The following AGPS variants were observed in gnomAD, a reference collection of about 807,000 sequenced individuals.
AGPS encodes the protein alkylglycerone phosphate synthase, also known as alkyldihydroxyacetonephosphate synthase, peroxisomal.
In AGPS, 26 loss-of-function variants were observed where a neutral mutation model predicts 90.7. That is an observed-to-expected ratio of 0.29 (90% CI 0.21 to 0.40). AGPS has a LOEUF of 0.40. Ranked by LOEUF, AGPS falls within the 10% of genes least tolerant of loss-of-function variation. The pLI, the probability that AGPS is intolerant of heterozygous loss-of-function variation, is 1.00. For synonymous variants in AGPS, 294 were observed against 285.3 expected (o/e 1.03, Z -0.31); for missense variants, 540 against 816.1 (o/e 0.66, Z 4.12).
chr2:177,497,018 G>A (rs1186740548), intron 12 of AGPS, among the ~76,000 whole-genome samples: 1 of 152,008 alleles, frequency 6.6e-6, no homozygotes, highest in Non-Finnish European at 1.5e-5. Flanking sequence ...CTTAAATGTA[G>A]CAATCATAGG....
At chr2:177,395,263 G>A (rs1370952754) in intron 1 of AGPS, among the ~76,000 whole-genome samples, 1 of 152,210 alleles carries the variant, frequency 6.6e-6, no homozygotes, top group Non-Finnish European at 1.5e-5. Context: ...AGTAACGTTT[G>A]TAAGGCACAC....
chr2:177,491,609 T>C (rs904395612), intron 11 of AGPS, among the ~76,000 whole-genome samples: 2 of 151,872 alleles, frequency 1.3e-5, no homozygotes, highest in Non-Finnish European at 2.9e-5. Context: ...CCATCTAATA[T>C]TCATTATATA....
chr2:177,532,751 C>T (rs1159012590), intron 19 of AGPS, among the ~76,000 whole-genome samples: 1 of 152,136 alleles, frequency 6.6e-6, no homozygotes, highest in Non-Finnish European at 1.5e-5. Flanking sequence ...TGGCTGCCTA[C>T]ACATACTGTG....
At chr2:177,422,400 C>G (rs1286442682) in intron 2 of AGPS, among the ~76,000 whole-genome samples, 1 of 152,042 alleles carries the variant, frequency 6.6e-6, no homozygotes, top group Non-Finnish European at 1.5e-5. Flanking sequence ...GAGAATTTAT[C>G]TGTTGGTTTT....
At chr2:177,473,244 ATT>A (rs1180032850) in intron 10 of AGPS, among the ~76,000 whole-genome samples, 2 of 152,096 alleles carry the variant, frequency 1.3e-5, no homozygotes, top group Admixed American at 1.3e-4. Context: ...TGTTGATTAT[ATT>A]TTGGGGAGTT....
At chr2:177,500,477 C>A (rs1688528432) in intron 14 of AGPS, among the ~76,000 whole-genome samples, 1 of 151,590 alleles carries the variant, frequency 6.6e-6, no homozygotes, top group South Asian at 2.1e-4. Flanking sequence ...ATTTTCATTT[C>A]TTTTTCATTG....
At chr2:177,498,061 A>G (rs766105938) in intron 13 of AGPS, among the ~76,000 whole-genome samples, 4 of 151,820 alleles carry the variant, frequency 2.6e-5, no homozygotes, top group Non-Finnish European at 5.9e-5. Context: ...ATAAAGTGAA[A>G]TAAGAGTGTG....
At chr2:177,487,423 T>C (rs1688128042) in intron 11 of AGPS, among the ~76,000 whole-genome samples, 1 of 152,168 alleles carries the variant, frequency 6.6e-6, no homozygotes, top group African/African-American at 2.4e-5. Flanking sequence ...TCCTTCCTTC[T>C]ATCACTTTTA....
At chr2:177,475,581 G>A (rs1687758401) in intron 10 of AGPS, among the ~76,000 whole-genome samples, 1 of 152,042 alleles carries the variant, frequency 6.6e-6, no homozygotes, top group Non-Finnish European at 1.5e-5. Flanking sequence ...CTTATGACTG[G>A]CTTCTTTCAC....
intron 7 of AGPS, 102 bp from the exon 8 acceptor site, chr2:177,445,444 A>T: frequency 2.0e-6 from 2 of 1,005,154 alleles, no homozygotes; most frequent in Non-Finnish European, 3.1e-6. Context: ...CTTCTTGCTT[A>T]ATCACTGTCT....
chr2:177,466,117 C>G (rs1488560599), intron 9 of AGPS, among the ~76,000 whole-genome samples: 1 of 152,102 alleles, frequency 6.6e-6, no homozygotes, highest in Non-Finnish European at 1.5e-5. Flanking sequence ...GAGGGTAGTT[C>G]CTCTCCACAG....
chr2:177,445,344 C>T (rs535998662), intron 7 of AGPS, among the ~76,000 whole-genome samples: 2 of 152,332 alleles, frequency 1.3e-5, no homozygotes, highest in East Asian at 3.9e-4. Context: ...CCAACCCCTG[C>T]ATAATATGCT....
At chr2:177,534,598 T>C (rs1478639575) in intron 19 of AGPS, among the ~76,000 whole-genome samples, 1 of 131,002 alleles carries the variant, frequency 7.6e-6, no homozygotes, top group Non-Finnish European at 1.6e-5. Context: ...TTTCTTTTTT[T>C]TTTGTGAGCT....
chr2:177,436,957 TC>T (rs1279873523), intron 4 of AGPS, 22 bp from the exon 5 acceptor site: 4 of 1,612,670 alleles, frequency 2.5e-6, no homozygotes, highest in Non-Finnish European at 3.4e-6. Flanking sequence ...TTTGTGTTTT[TC>T]TTTTTTTTAA....
At chr2:177,466,477 C>T (rs557974348) in intron 9 of AGPS, among the ~76,000 whole-genome samples, 171 of 152,314 alleles carry the variant, frequency 1.1e-3, no homozygotes, top group African/African-American at 4.0e-3. Flanking sequence ...CACCGGGGAC[C>T]GCCCATTTCC....
At chr2:177,420,390 C>A in intron 2 of AGPS, 32 bp downstream of exon 2, 1 of 1,467,238 alleles carries the variant, frequency 6.8e-7, no homozygotes, top group Non-Finnish European at 9.5e-7. Context: ...TTTTGTTCCT[C>A]CTTTAATTCT....
At chr2:177,520,993 A>G (rs1040226935) in intron 17 of AGPS, among the ~76,000 whole-genome samples, 7 of 152,240 alleles carry the variant, frequency 4.6e-5, no homozygotes, top group Admixed American at 2.0e-4. Flanking sequence ...CATGGGACAG[A>G]CATGAAAAAG....
chr2:177,490,905 G>A (rs1019847125), intron 11 of AGPS, among the ~76,000 whole-genome samples: 2 of 133,366 alleles, frequency 1.5e-5, no homozygotes, highest in African/African-American at 2.8e-5. Flanking sequence ...GCCCAGGCTG[G>A]AGTGCAGTGG....
rs2079233110 is a variant in AGPS at position 177,541,316 on chromosome 2, A to G, written c.*3121A>G. The G allele has an allele frequency of 6.6e-6, 1 of 152,170 alleles. No individual in the cohort carries two copies. Among genetic ancestry groups the G allele is most frequent in the Non-Finnish European group, 1.5e-5 (1 of 68,026 alleles). 9.4% of individuals were successfully genotyped at this position (152,170 alleles called of 1,614,324 possible). ...AATGCCTTTCTGCATGTTAGCACCCAGACTTTCCTTTGTCATATTCCTTTA... is the reference window on the plus strand; with the variant it reads ...AATGCCTTTCTGCATGTTAGCACCCGGACTTTCCTTTGTCATATTCCTTTA... On this transcript the variant is annotated 3_prime_UTR_variant, in exon 20 of 20. Coordinates refer to ENST00000264167, the MANE Select transcript of AGPS (RefSeq NM_003659.4).
Sources: gnomAD v4.1 joint callset for allele counts (sites outside exome capture counted in the v4.1 genomes callset) on GRCh38, gnomAD v4.1.1 for gene constraint, MANE v1.5 for transcripts, NCBI Gene and HGNC (gene_info 2026-07-23, HGNC 2026-07-21) for gene names.